MORF4L1: variants seen among roughly 807,000 people sequenced by gnomAD.
The protein encoded by MORF4L1 is mortality factor 4-like protein 1.
Under a neutral mutation model 52.9 loss-of-function variants are expected in MORF4L1, and 4 were observed. The observed-to-expected ratio is 0.08, with a 90% confidence interval of 0.04 to 0.17. The LOEUF is 0.17. MORF4L1 is among the 10% of genes least tolerant of loss of function. The pLI is 1.00. For missense variants in MORF4L1, 214 were observed against 390.4 expected (o/e 0.55, Z 3.81); for synonymous variants, 123 against 134.8 (o/e 0.91, Z 0.61).
At position 78,878,271 on chromosome 15, in the gene MORF4L1, G is replaced by C. The variant is rs1052550465; in HGVS notation, c.87+12G>C. On this transcript the variant is annotated intron_variant, in intron 2 of 11. Coordinates refer to ENST00000426013, the MANE Select transcript of MORF4L1 (RefSeq NM_006791.4). ...TTTATGAAGCAAAGGTATGAAACTT[G>C]TTTTCTTTTGAGAAGTTGGCCAAAA... 2 of 1,609,362 alleles carry C rather than the reference G, an allele frequency of 1.2e-6. No individual in the cohort carries two copies. The highest frequency in any genetic ancestry group is 1.3e-5 in the African/African-American group (1 of 74,756).
At chr15:78,874,659 C>G (rs2056447604) in intron 1 of MORF4L1, among the ~76,000 whole-genome samples, 1 of 132,158 alleles carries the variant, frequency 7.6e-6, no homozygotes, top group Admixed American at 9.1e-5. Context: ...AACTCCTGGG[C>G]TTGAGCGATC....
At chr15:78,891,338 G>A in intron 6 of MORF4L1, 146 bp from the exon 7 acceptor site, 1 of 688,144 alleles carries the variant, frequency 1.5e-6, no homozygotes, top group Admixed American at 3.0e-5. Flanking sequence ...TTGTATTTTT[G>A]GTAGGAATAT....
Position 78,897,886 on chromosome 15 carries a change from C to A in MORF4L1, c.*819C>A, listed in dbSNP as rs2056916091. Reference sequence around the variant, plus strand: ...TTTAGCTTTGGTACGTAGCGCTAATCCATAGCAGCTTTGGCAGTTTGCTGT... The same window carrying A: ...TTTAGCTTTGGTACGTAGCGCTAATACATAGCAGCTTTGGCAGTTTGCTGT... On this transcript the variant is annotated 3_prime_UTR_variant, in exon 12 of 12. Coordinates refer to ENST00000426013, the MANE Select transcript of MORF4L1 (RefSeq NM_006791.4). 1 of 152,372 alleles carries A rather than the reference C, an allele frequency of 6.6e-6. No homozygotes were observed. Among genetic ancestry groups the A allele is most frequent in the Non-Finnish European group, 1.5e-5 (1 of 68,046 alleles). The allele number at this position is 152,372 out of a possible 1,614,324, so 9.4% of individuals were successfully genotyped here.
At chr15:78,886,041 C>G in intron 3 of MORF4L1, 100 bp from the exon 4 acceptor site, 2 of 825,374 alleles carry the variant, frequency 2.4e-6, no homozygotes, top group South Asian at 2.9e-5. Flanking sequence ...GCCAGTTCAT[C>G]AAATTACTTA....
At chr15:78,884,155 G>A (rs1048374111) in intron 3 of MORF4L1, among the ~76,000 whole-genome samples, 1 of 150,146 alleles carries the variant, frequency 6.7e-6, no homozygotes, top group East Asian at 2.0e-4. Context: ...AGTGAGCCGA[G>A]ATCGTGCCAC....
chr15:78,876,599 C>T, intron 1 of MORF4L1: 1 of 455,920 alleles, frequency 2.2e-6, no homozygotes. Flanking sequence ...AGGCCATTTT[C>T]AGAGTGCCTT....
rs547439636 is a variant in MORF4L1 at position 78,887,770 on chromosome 15, C to T, written c.323+421C>T. Among the ~76,000 whole-genome samples the T allele has an allele frequency of 9.9e-5, 15 of 152,272 alleles. No homozygotes were observed. The Middle Eastern group carries it at 0.01, about 104-fold the overall frequency. ...AAATAACTGCCCTCCTCATCCCCAC[C>T]CCTAAGAAAACCATTGCTTTTTTTT... On this transcript the variant is annotated intron_variant, in intron 5 of 11. Coordinates refer to ENST00000426013, the MANE Select transcript of MORF4L1 (RefSeq NM_006791.4).
At chr15:78,873,158 C>T (rs1454348235) in intron 1 of MORF4L1, 101 bp downstream of exon 1, 10 of 1,537,588 alleles carry the variant, frequency 6.5e-6, no homozygotes, top group Non-Finnish European at 7.9e-6. Context: ...GCGGGCTGCG[C>T]CCTGAGAAGG....
At chr15:78,879,304 G>C (rs1486953134) in intron 2 of MORF4L1, among the ~76,000 whole-genome samples, 1 of 151,602 alleles carries the variant, frequency 6.6e-6, no homozygotes, top group South Asian at 2.1e-4. Context: ...TCACTGTGAC[G>C]TCCCCCTCCC....
intron 5 of MORF4L1, among the ~76,000 whole-genome samples, chr15:78,889,327 G>C (rs901523626): frequency 1.3e-5 from 2 of 152,164 alleles, no homozygotes; most frequent in African/African-American, 4.8e-5. Flanking sequence ...CGGACCAGAA[G>C]CGTTTCAGAT....
chr15:78,896,895 C>T, intron 11 of MORF4L1, 88 bp from the exon 12 acceptor site: 1 of 971,618 alleles, frequency 1.0e-6, no homozygotes, highest in South Asian at 1.4e-5. Context: ...AAAGTGTTTT[C>T]TGTGGCTTAT....
At chr15:78,894,035 G>C (rs763370648) in intron 9 of MORF4L1, 23 bp from the exon 10 acceptor site, 1 of 1,594,084 alleles carries the variant, frequency 6.3e-7, no homozygotes, top group South Asian at 1.1e-5. Context: ...ACCAGTTTTG[G>C]AATATTTTTG....
At chr15:78,876,923 T>C (rs75888439) in intron 1 of MORF4L1, among the ~76,000 whole-genome samples, 8,911 of 152,076 alleles carry the variant, frequency 0.059, 269 homozygotes, top group Middle Eastern at 0.13. Context: ...ATACATAGTT[T>C]TAAAAAATAT....
intron 5 of MORF4L1, 118 bp from the exon 6 acceptor site, chr15:78,890,871 C>T: frequency 1.0e-6 from 1 of 985,004 alleles, no homozygotes; most frequent in Middle Eastern, 3.8e-4. Flanking sequence ...CACATATTTA[C>T]CACCTGATCC....
chr15:78,880,415 C>G (rs1177053017), intron 2 of MORF4L1, 97 bp from the exon 3 acceptor site: 3 of 828,116 alleles, frequency 3.6e-6, no homozygotes, highest in Non-Finnish European at 5.8e-6. Flanking sequence ...TTTAGGCCAC[C>G]ATAAAGCTTG....
intron 3 of MORF4L1, chr15:78,885,118 C>A (rs16970187): frequency 6.7e-7 from 1 of 1,483,840 alleles, no homozygotes; most frequent in Non-Finnish European, 9.4e-7. Context: ...TCTAGGAAAT[C>A]ATGTTCAGGA....
intron 5 of MORF4L1, among the ~76,000 whole-genome samples, chr15:78,889,679 T>C (rs1176444578): frequency 6.6e-6 from 1 of 152,202 alleles, no homozygotes; most frequent in Non-Finnish European, 1.5e-5. Flanking sequence ...CAACAGATTT[T>C]TACAAAACTA....
intron 8 of MORF4L1, 29 bp from the exon 9 acceptor site, chr15:78,893,510 T>C (rs937883290): frequency 4.1e-6 from 6 of 1,461,350 alleles, no homozygotes; most frequent in Non-Finnish European, 5.8e-6. Flanking sequence ...AGAGAGTGCT[T>C]ATATTTAAGC....
In MORF4L1 at chr15:78,897,238, CTTCTT is replaced by C. The variant is rs1377716726; in HGVS notation, c.*173_*177del. Reference sequence around the variant, plus strand: ...AAAAGGGGGTAATAGCTCCTTTTTTCTTCTTTCTTTTTTTTTTTCATTTCAAAATT... The same window carrying C: ...AAAAGGGGGTAATAGCTCCTTTTTTCTCTTTTTTTTTTTCATTTCAAAATT... On this transcript the variant is annotated 3_prime_UTR_variant, in exon 12 of 12. Coordinates refer to ENST00000426013, the MANE Select transcript of MORF4L1 (RefSeq NM_006791.4). 2.1e-6 allele frequency: 1 copy of C among 486,218 alleles called. No individual in the cohort carries two copies. Among genetic ancestry groups the C allele is most frequent in the Non-Finnish European group, 3.8e-6 (1 of 265,782 alleles). 30.1% of individuals were successfully genotyped at this position (486,218 alleles called of 1,614,324 possible).
Sources: allele counts gnomAD v4.1 joint callset (sites outside exome capture counted in the v4.1 genomes callset), GRCh38; gene constraint gnomAD v4.1.1; transcripts MANE v1.5; gene names NCBI Gene and HGNC (gene_info 2026-07-23, HGNC 2026-07-21).